SNAP91: variants seen among roughly 807,000 people sequenced by gnomAD.
SNAP91 encodes the protein clathrin coat assembly protein AP180.
A neutral mutation model predicts 100.3 loss-of-function variants in SNAP91; 27 were observed. The ratio of observed to expected loss-of-function variants is 0.27; its 90% CI spans 0.20 to 0.37. SNAP91 has a LOEUF of 0.37. Among genes scored for constraint, SNAP91 ranks in the 10% least tolerant of loss-of-function variants. The pLI is 1.00. For missense variants in SNAP91, 986 were observed against 1,123.7 expected (o/e 0.88, Z 1.75); for synonymous variants, 404 against 398.6 (o/e 1.01, Z -0.16).
At chr6:83,654,454 C>T (rs1168026149) in intron 7 of SNAP91, among the ~76,000 whole-genome samples, 1 of 152,164 alleles carries the variant, frequency 6.6e-6, no homozygotes, top group Non-Finnish European at 1.5e-5. Context: ...CCTACCCAGA[C>T]TTTTCAAGGA....
chr6:83,625,121 A>G (rs567607357), intron 8 of SNAP91, among the ~76,000 whole-genome samples: 5 of 152,216 alleles, frequency 3.3e-5, no homozygotes, highest in South Asian at 2.1e-4. Context: ...GCTCTCACTA[A>G]TAAGTGAGAA....
At chr6:83,674,050 C>A (rs2128856983) in intron 2 of SNAP91, among the ~76,000 whole-genome samples, 1 of 152,242 alleles carries the variant, frequency 6.6e-6, no homozygotes, top group Middle Eastern at 3.4e-3. Context: ...GGGTCTGAAT[C>A]ATGTTTTTTG....
chr6:83,592,525 T>C lies in SNAP91; in HGVS notation c.1860A>G (p.Ala620=). ...AGGCAGTGGTTGCAGGAGATGGTGC[T>C]GCAAATGCATCCACTGCAGTGAAGC... is the stretch of plus-strand genomic sequence containing the variant. ...TADLLSVDAF[A]APSPATTASP... Residue 620 remains alanine (A), a synonymous_variant, in exon 21 of 30, where the codon GCA becomes GCG. Coordinates refer to ENST00000369694, the MANE Select transcript of SNAP91 (RefSeq NM_001242792.2). The C allele has an allele frequency of 1.2e-6, 2 of 1,608,702 alleles. No individual in the cohort carries two copies. The highest frequency in any genetic ancestry group is 4.5e-5 in the East Asian group (2 of 44,740).
intron 4 of SNAP91, among the ~76,000 whole-genome samples, 195 bp downstream of exon 4, chr6:83,662,152 G>A (rs190234464): frequency 1.1e-4 from 17 of 151,948 alleles, no homozygotes; most frequent in Non-Finnish European, 1.9e-4. Context: ...TGGTAAAAAC[G>A]CCCAAAATAA....
intron 16 of SNAP91, among the ~76,000 whole-genome samples, chr6:83,600,433 T>C (rs909169905): frequency 1.3e-5 from 2 of 152,200 alleles, no homozygotes; most frequent in African/African-American, 4.8e-5. Flanking sequence ...AGATGTTATA[T>C]GGTAATGAAG....
chr6:83,678,646 T>C (rs2098944186), intron 2 of SNAP91: 1 of 847,198 alleles, frequency 1.2e-6, no homozygotes, highest in East Asian at 6.3e-5. Flanking sequence ...AATTCTTTTC[T>C]ATTTTTCATT....
chr6:83,698,700 T>C (rs1301632953), intron 2 of SNAP91, among the ~76,000 whole-genome samples: 3 of 151,828 alleles, frequency 2.0e-5, no homozygotes, highest in African/African-American at 7.3e-5. Flanking sequence ...ATGAACTCTG[T>C]GATTCAAATT....
intron 24 of SNAP91, among the ~76,000 whole-genome samples, chr6:83,577,396 G>C (rs1244277837): frequency 6.6e-6 from 1 of 151,892 alleles, no homozygotes; most frequent in East Asian, 1.9e-4. Context: ...TTTTCAATTA[G>C]ACTATAAAAC....
At chr6:83,648,310 T>A (rs1376740663) in intron 7 of SNAP91, among the ~76,000 whole-genome samples, 1 of 152,202 alleles carries the variant, frequency 6.6e-6, no homozygotes, top group Non-Finnish European at 1.5e-5. Context: ...TATTGTTGAA[T>A]AGCATTGTAT....
chr6:83,556,120 A>G, intron 29 of SNAP91, 23 bp downstream of exon 29: 1 of 1,330,932 alleles, frequency 7.5e-7, no homozygotes, highest in Non-Finnish European at 1.1e-6. Flanking sequence ...ACAAGCCTAC[A>G]GGAAAAGCTC....
chr6:83,554,024 A>C lies in SNAP91; in HGVS notation c.*272T>G, dbSNP rs1774122902. 2 of 154,118 alleles carry C rather than the reference A, an allele frequency of 1.3e-5. No homozygotes were observed. The highest frequency in any genetic ancestry group is 1.5e-5 in the Non-Finnish European group (1 of 68,364). The allele number at this position is 154,118 out of a possible 1,614,324, so 9.5% of individuals were successfully genotyped here. A position where few individuals can be genotyped will look rare whatever the true frequency, so the allele number is the denominator to read the frequency against. ...TCAGGTGAAGTCCAAAAAAGCACTA[A>C]CGGCATCAGTAACATCCATTCATTG... is the stretch of plus-strand genomic sequence containing the variant. On this transcript the variant is annotated 3_prime_UTR_variant, in exon 30 of 30. Coordinates refer to ENST00000369694, the MANE Select transcript of SNAP91 (RefSeq NM_001242792.2).
intron 17 of SNAP91, among the ~76,000 whole-genome samples, chr6:83,594,034 T>A (rs1309301800): frequency 2.0e-5 from 3 of 152,216 alleles, no homozygotes; most frequent in Non-Finnish European, 4.4e-5. Context: ...AAATCTTCAC[T>A]TTATTTGGTC....
At chr6:83,566,078 GT>G (rs1265278856) in intron 26 of SNAP91, among the ~76,000 whole-genome samples, 47 of 152,228 alleles carry the variant, frequency 3.1e-4, no homozygotes, top group African/African-American at 1.1e-3. Context: ...TAAACAAAAT[GT>G]GGTATATCCA....
chr6:83,578,338 G>T, intron 24 of SNAP91, among the ~76,000 whole-genome samples: 1 of 152,094 alleles, frequency 6.6e-6, no homozygotes, highest in East Asian at 1.9e-4. Context: ...TACCAGCAAT[G>T]TCTGTGGGTT....
intron 2 of SNAP91, among the ~76,000 whole-genome samples, chr6:83,669,249 G>C (rs1215980155): frequency 2.6e-5 from 4 of 151,680 alleles, no homozygotes; most frequent in Non-Finnish European, 4.4e-5. Context: ...TGCTTCAAAT[G>C]CTCTCATAAG....
chr6:83,601,938 C>G (rs2095271593), intron 14 of SNAP91, among the ~76,000 whole-genome samples: 1 of 152,124 alleles, frequency 6.6e-6, no homozygotes, highest in Non-Finnish European at 1.5e-5. Context: ...GATTAGCTTT[C>G]AAATACATGT....
intron 2 of SNAP91, among the ~76,000 whole-genome samples, chr6:83,673,489 T>A (rs1388065228): frequency 6.6e-6 from 1 of 152,196 alleles, no homozygotes; most frequent in Non-Finnish European, 1.5e-5. Context: ...TATAAGCATC[T>A]AGTCTATGAT....
chr6:83,579,408 C>T (rs1278317019), intron 24 of SNAP91, among the ~76,000 whole-genome samples: 2 of 152,086 alleles, frequency 1.3e-5, no homozygotes, highest in Non-Finnish European at 2.9e-5. Context: ...TAACCTCTCC[C>T]CGGGTGTCAT....
intron 15 of SNAP91, 23 bp from the exon 16 acceptor site, chr6:83,601,461 A>G: frequency 6.2e-7 from 1 of 1,613,388 alleles, no homozygotes; most frequent in Non-Finnish European, 8.5e-7. Flanking sequence ...AGAGACAGAG[A>G]GCAAACGGAG....
Sources: gnomAD v4.1 joint callset for allele counts (sites outside exome capture counted in the v4.1 genomes callset) on GRCh38, gnomAD v4.1.1 for gene constraint, MANE v1.5 for transcripts, NCBI Gene and HGNC (gene_info 2026-07-23, HGNC 2026-07-21) for gene names.